Variants in SPOCK2 observed in about 807,000 individuals in gnomAD.
The protein encoded by SPOCK2 is testican-2.
SPOCK2 carries 39 observed loss-of-function variants against 60.1 expected under a neutral mutation model. The observed-to-expected ratio is 0.65, with a 90% CI of 0.50 to 0.85. The LOEUF is 0.85. SPOCK2 is among the 40% of genes least tolerant of loss of function. SPOCK2 has a pLI of 0.00. For missense variants in SPOCK2, 523 were observed against 567.4 expected (o/e 0.92, Z 0.80); for synonymous variants, 217 against 231.5 (o/e 0.94, Z 0.57).
intron 1 of SPOCK2, chr10:72,086,104 A>C (rs1840851053): frequency 7.3e-6 from 6 of 823,748 alleles, no homozygotes; most frequent in Non-Finnish European, 8.8e-6. Context: ...GTCCTCCTGC[A>C]GCCAGGACTA....
chr10:72,068,313 G>A lies in SPOCK2; in HGVS notation c.475-12C>T, dbSNP rs757287057. ...TGCTCCAGCTTACACTGCACATGGG[G>A]AAAGGTGGAACAGGGGACTGAGGGC... On this transcript the variant is annotated splice_polypyrimidine_tract_variant and intron_variant, in intron 5 of 10. Coordinates refer to ENST00000373109, the MANE Select transcript of SPOCK2 (RefSeq NM_001244950.2). 4 of 1,600,178 alleles carry A rather than the reference G, an allele frequency of 2.5e-6. No homozygotes were observed. In the East Asian group the frequency reaches 9.0e-5, roughly 36 times the overall value.
intron 5 of SPOCK2, chr10:72,068,618 G>C: frequency 3.3e-6 from 1 of 303,166 alleles, no homozygotes; most frequent in South Asian, 5.4e-5. Flanking sequence ...CCCTGCCCCT[G>C]TCGCCCTTCC....
chr10:72,083,890 C>T (rs1387630893), intron 1 of SPOCK2, among the ~76,000 whole-genome samples: 1 of 152,178 alleles, frequency 6.6e-6, no homozygotes, highest in Non-Finnish European at 1.5e-5. Context: ...TCTCACACAC[C>T]CACACTTACC....
intron 1 of SPOCK2, among the ~76,000 whole-genome samples, chr10:72,076,029 T>G (rs1840711095): frequency 6.6e-6 from 1 of 152,036 alleles, no homozygotes; most frequent in Non-Finnish European, 1.5e-5. Flanking sequence ...GCTGCTATGA[T>G]GGAGAAGAGA....
chr10:72,067,186 T>A lies in SPOCK2; in HGVS notation c.710-66A>T, dbSNP rs921036783. 4 of 1,474,062 alleles carry A rather than the reference T, an allele frequency of 2.7e-6. No individual in the cohort carries two copies. The African/African-American group carries it at 5.6e-5, about 21-fold the overall frequency. The allele number at this position is 1,474,062 out of a possible 1,614,324, so 91.3% of individuals were successfully genotyped here. On this transcript the variant is annotated intron_variant, in intron 7 of 10. Coordinates refer to ENST00000373109, the MANE Select transcript of SPOCK2 (RefSeq NM_001244950.2). ...TCAGCCGTTTCTCCAGCCCTCCATC[T>A]CTCCGCCTCGCCATCAGCCCCAGCC...
chr10:72,069,297 T>C (rs906549595), intron 5 of SPOCK2: 5 of 152,524 alleles, frequency 3.3e-5, no homozygotes, highest in African/African-American at 9.7e-5. Flanking sequence ...CCCACAGCAA[T>C]GTCAATCATC....
chr10:72,077,732 G>T (rs1294451812), intron 1 of SPOCK2, among the ~76,000 whole-genome samples: 1 of 152,292 alleles, frequency 6.6e-6, no homozygotes, highest in East Asian at 1.9e-4. Flanking sequence ...GAGCAGGCCG[G>T]CCCTGGGAGA....
chr10:72,071,195 G>GTT (rs895008574), intron 4 of SPOCK2, among the ~76,000 whole-genome samples: 83 of 145,014 alleles, frequency 5.7e-4, no homozygotes, highest in African/African-American at 1.7e-3. Context: ...GTTTTGTTGT[G>GTT]TTTTTTTTTT....
At position 72,072,141 on chromosome 10, in the gene SPOCK2, C is replaced by T. The variant is rs1427526975; in HGVS notation, c.359+3G>A. 6.7e-7 allele frequency: 1 copy of T among 1,503,284 alleles called. No homozygotes were observed. The highest frequency in any genetic ancestry group is 8.9e-7 in the Non-Finnish European group (1 of 1,124,998). 93.1% of individuals were successfully genotyped at this position (1,503,284 alleles called of 1,614,324 possible). A position where few individuals can be genotyped will look rare whatever the true frequency, so the allele number is the denominator to read the frequency against. ...AGGGCTCCCACCTCCCCAAACCTCT[C>T]ACCTGTGCTCCAGCTTCTTGCGACT... is the stretch of plus-strand genomic sequence containing the variant. On this transcript the variant is annotated splice_donor_region_variant and intron_variant, in intron 4 of 10. Coordinates refer to ENST00000373109, the MANE Select transcript of SPOCK2 (RefSeq NM_001244950.2).
At chr10:72,086,963 C>T (rs1210735941) in intron 1 of SPOCK2, 2 of 1,551,604 alleles carry the variant, frequency 1.3e-6, no homozygotes, top group South Asian at 1.2e-5. Flanking sequence ...GTGTGGCCTG[C>T]GTTGTACTGG....
At position 72,079,226 on chromosome 10, in the gene SPOCK2, C is replaced by G. The variant is rs1840753093; in HGVS notation, c.190-6316G>C. ...CCAGAATCCGTGCCCCTAACCAGCA[C>G]TCCATAAATGTTAGCTGATGAAAAA... On this transcript the variant is annotated intron_variant, in intron 1 of 10. Transcript: ENST00000373109. Among the ~76,000 whole-genome samples, 16 of 152,322 alleles carry G rather than the reference C, an allele frequency of 1.1e-4. No individual in the cohort carries two copies. The South Asian group carries it at 3.3e-3, about 32-fold the overall frequency.
At chr10:72,070,117 C>T in intron 5 of SPOCK2, 195 bp downstream of exon 5, 1 of 565,204 alleles carries the variant, frequency 1.8e-6, no homozygotes, top group Non-Finnish European at 3.1e-6. Context: ...GGGTCTGGCT[C>T]CAACTCTCAG....
At chr10:72,082,391 G>A (rs1178068485) in intron 1 of SPOCK2, among the ~76,000 whole-genome samples, 1 of 152,246 alleles carries the variant, frequency 6.6e-6, no homozygotes, top group Non-Finnish European at 1.5e-5. Context: ...GCTCCTGCAA[G>A]GAGACGCGCA....
At position 72,064,213 on chromosome 10, in the gene SPOCK2, C is replaced by A. The variant is rs41304635; in HGVS notation, c.956G>T (p.Arg319Leu). ...CTTGGCGGCCTCCTGGATCTGGATG[C>A]GCTCCAGCTCTGCCAGGCAGGGGGG... is the stretch of plus-strand genomic sequence containing the variant. Reference protein sequence around the residue: ...EKPPCLAELERIQIQEAAKKK... With the variant: ...EKPPCLAELELIQIQEAAKKK... The change falls in exon 9 of 11, where the codon CGC (arginine) becomes CTC (leucine). Residue 319 changes from arginine to leucine, a missense_variant. Coordinates refer to ENST00000373109, the MANE Select transcript of SPOCK2 (RefSeq NM_001244950.2). 3 of 1,607,892 alleles carry A rather than the reference C, an allele frequency of 1.9e-6. No homozygotes were observed. The highest frequency in any genetic ancestry group is 2.5e-6 in the Non-Finnish European group (3 of 1,177,946).
At chr10:72,076,610 G>C (rs1840718027) in intron 1 of SPOCK2, among the ~76,000 whole-genome samples, 1 of 152,184 alleles carries the variant, frequency 6.6e-6, no homozygotes, top group East Asian at 1.9e-4. Flanking sequence ...ATAGAGATGG[G>C]GTCTTGCCAT....
rs776023040 is a variant in SPOCK2 at position 72,075,890 on chromosome 10, C to T, written c.190-2980G>A. On this transcript the variant is annotated intron_variant, in intron 1 of 10. Coordinates refer to ENST00000373109, the MANE Select transcript of SPOCK2 (RefSeq NM_001244950.2). ...GTCCTGCAGATCCCCAGGCTTCCCC[C>T]GACCAGTGCACCTTGGGCAAGCACC... Among the ~76,000 whole-genome samples, 79 of 152,108 alleles carry T rather than the reference C, an allele frequency of 5.2e-4. 1 individual carries two copies. The highest frequency in any genetic ancestry group is 1.8e-4 in the Non-Finnish European group (12 of 68,010).
chr10:72,088,510 C>T lies in SPOCK2; in HGVS notation c.-182G>A. 1.5e-6 allele frequency: 1 copy of T among 664,768 alleles called. No homozygotes were observed. Among genetic ancestry groups the T allele is most frequent in the Non-Finnish European group, 2.4e-6 (1 of 409,770 alleles). 41.2% of individuals were successfully genotyped at this position (664,768 alleles called of 1,614,324 possible). A position where few individuals can be genotyped will look rare whatever the true frequency, so the allele number is the denominator to read the frequency against. On this transcript the variant is annotated 5_prime_UTR_variant, in exon 1 of 11. Transcript: ENST00000373109. ...TGACCTGGTTAGGAGATGCACTTGT[C>T]TGAAAAAGCCCAGCACTGGACGCGG...
rs1840877339 is a variant in SPOCK2 at position 72,087,533 on chromosome 10, C to G, written c.189+607G>C. Among the ~76,000 whole-genome samples the G allele has an allele frequency of 6.6e-6, 1 of 152,186 alleles. No individual in the cohort carries two copies. The highest frequency in any genetic ancestry group is 1.5e-5 in the Non-Finnish European group (1 of 68,028). ...TTCTGCACGGGGACCCCAGCCCACC[C>G]CCGTACGGACACGCCTTCCACCATC... On this transcript the variant is annotated intron_variant, in intron 1 of 10. Coordinates refer to ENST00000373109, the MANE Select transcript of SPOCK2 (RefSeq NM_001244950.2). This position sits in a 1 kb window ranked among gnomAD's most constrained non-coding sequence, Gnocchi z 4.7.
intron 8 of SPOCK2, among the ~76,000 whole-genome samples, chr10:72,066,230 C>T (rs751556574): frequency 6.6e-6 from 1 of 152,106 alleles, no homozygotes; most frequent in African/African-American, 2.4e-5. Flanking sequence ...GAAGAATCAC[C>T]GAGAAGCAAA....
Sources: allele counts gnomAD v4.1 joint callset (sites outside exome capture counted in the v4.1 genomes callset), GRCh38; gene constraint gnomAD v4.1.1; non-coding constraint Gnocchi (gnomAD v3.1); transcripts MANE v1.5; gene names NCBI Gene and HGNC (gene_info 2026-07-23, HGNC 2026-07-21).